Variants in SPIDR observed in about 807,000 individuals in gnomAD.
SPIDR encodes the protein scaffold protein involved in DNA repair.
SPIDR carries 93 observed loss-of-function variants against 104.6 expected under a neutral mutation model. That is an observed-to-expected ratio of 0.89 (90% CI 0.75 to 1.06). SPIDR has a LOEUF of 1.06. Among genes scored for constraint, SPIDR ranks in the 50% least tolerant of loss-of-function variants. The pLI is 0.00. For synonymous variants in SPIDR, 431 were observed against 416.9 expected, an observed-to-expected ratio of 1.03 and a Z score of -0.41; for missense variants, 1,154 against 1,111.2, an observed-to-expected ratio of 1.04 and a Z score of -0.55.
At chr8:47,275,404 A>G (rs1216692453) in intron 1 of SPIDR, among the ~76,000 whole-genome samples, 3 of 152,072 alleles carry the variant, frequency 2.0e-5, no homozygotes, top group Non-Finnish European at 4.4e-5. Context: ...AAATTTGTAC[A>G]TTATTTTTTT....
At chr8:47,559,006 G>A (rs1015184540) in intron 8 of SPIDR, among the ~76,000 whole-genome samples, 1 of 152,138 alleles carries the variant, frequency 6.6e-6, no homozygotes. Context: ...GTGAAATAAG[G>A]CAGTGATGGA....
chr8:47,301,041 G>A (rs2041993446), intron 5 of SPIDR, among the ~76,000 whole-genome samples: 1 of 152,278 alleles, frequency 6.6e-6, no homozygotes, highest in Non-Finnish European at 1.5e-5. Flanking sequence ...AATGTTGATA[G>A]TGGGGTGTTA....
chr8:47,329,017 G>T (rs984982453), intron 5 of SPIDR, among the ~76,000 whole-genome samples: 1 of 151,134 alleles, frequency 6.6e-6, no homozygotes. Context: ...AGCAATTCTC[G>T]TGCCTCAGTC....
At chr8:47,601,001 T>C (rs1273931095) in intron 10 of SPIDR, among the ~76,000 whole-genome samples, 1 of 152,226 alleles carries the variant, frequency 6.6e-6, no homozygotes, top group Non-Finnish European at 1.5e-5. Context: ...CTTGTTTTAC[T>C]TGTTTAGCAA....
chr8:47,361,398 G>T (rs1479347997), intron 5 of SPIDR, among the ~76,000 whole-genome samples: 1 of 152,220 alleles, frequency 6.6e-6, no homozygotes, highest in Non-Finnish European at 1.5e-5. Flanking sequence ...GGAAGGGCCT[G>T]GGTGGGGATG....
intron 5 of SPIDR, among the ~76,000 whole-genome samples, chr8:47,302,518 A>G (rs1437539807): frequency 1.3e-5 from 2 of 151,972 alleles, no homozygotes; most frequent in Non-Finnish European, 2.9e-5. Flanking sequence ...GAGGAGAGGC[A>G]CTCTGATTTT....
In SPIDR at chr8:47,735,816, A is replaced by AT. The variant is rs1232608502; in HGVS notation, c.*366_*367insT. ...TACCATGATTGAACATGTTTTTATT[A>AT]CAGTATTTAACATTCCCCCAAAGAA... On this transcript the variant is annotated 3_prime_UTR_variant, in exon 20 of 20. Coordinates refer to ENST00000297423, the MANE Select transcript of SPIDR (RefSeq NM_001080394.4). 2.4e-6 allele frequency: 1 copy of AT among 414,200 alleles called. No individual in the cohort carries two copies. Among genetic ancestry groups the AT allele is most frequent in the African/African-American group, 2.0e-5 (1 of 49,506 alleles). 25.7% of individuals were successfully genotyped at this position (414,200 alleles called of 1,614,324 possible).
At chr8:47,370,439 AT>A (rs34220804) in intron 5 of SPIDR, among the ~76,000 whole-genome samples, 6,309 of 99,136 alleles carry the variant, frequency 0.064, 89 homozygotes, top group South Asian at 0.17. Context: ...AGAGGTCAAG[AT>A]TTTTTTTTTT....
Position 47,509,866 on chromosome 8 carries a change from C to T in SPIDR, c.1097+69324C>T, listed in dbSNP as rs949099043. Among the ~76,000 whole-genome samples the T allele has an allele frequency of 8.5e-5, 13 of 152,158 alleles. No homozygotes were observed. The South Asian group carries it at 1.5e-3, about 17-fold the overall frequency. On this transcript the variant is annotated intron_variant, in intron 8 of 19. Transcript: ENST00000297423. Reference sequence around the variant, plus strand: ...GTATAATATGATGCACTCACACATACGTGACACACACACCACACATCACAT... The same window carrying T: ...GTATAATATGATGCACTCACACATATGTGACACACACACCACACATCACAT...
chr8:47,501,519 C>T (rs1427053802), intron 8 of SPIDR, among the ~76,000 whole-genome samples: 2 of 152,090 alleles, frequency 1.3e-5, no homozygotes, highest in Non-Finnish European at 2.9e-5. Context: ...GCTGAAGTTG[C>T]CTGTCAGCTT....
At chr8:47,460,061 GTCTA>G (rs1203326752) in intron 8 of SPIDR, among the ~76,000 whole-genome samples, 7 of 152,154 alleles carry the variant, frequency 4.6e-5, no homozygotes, top group Admixed American at 2.6e-4. Flanking sequence ...CTATCATATG[GTCTA>G]TCTTGGAGAA....
At chr8:47,551,749 G>C (rs1199238845) in intron 8 of SPIDR, among the ~76,000 whole-genome samples, 1 of 152,050 alleles carries the variant, frequency 6.6e-6, no homozygotes. Context: ...TTTTTGAAGG[G>C]TTTTTTGTGT....
At chr8:47,516,458 A>T (rs1022464174) in intron 8 of SPIDR, among the ~76,000 whole-genome samples, 1 of 152,002 alleles carries the variant, frequency 6.6e-6, no homozygotes, top group Admixed American at 6.6e-5. Flanking sequence ...GTCCCTAGCA[A>T]CCTCTATTCT....
intron 10 of SPIDR, among the ~76,000 whole-genome samples, chr8:47,613,943 T>A (rs911010872): frequency 8.5e-5 from 13 of 152,158 alleles, no homozygotes; most frequent in African/African-American, 3.1e-4. Flanking sequence ...CATGGTAGTT[T>A]GCTGCACCTA....
intron 11 of SPIDR, among the ~76,000 whole-genome samples, chr8:47,697,552 C>G (rs920679935): frequency 6.6e-6 from 1 of 152,186 alleles, no homozygotes; most frequent in Non-Finnish European, 1.5e-5. Context: ...GGGCTCCTGC[C>G]AGGCCTCCTG....
chr8:47,475,942 A>T (rs2076241240), intron 8 of SPIDR, among the ~76,000 whole-genome samples: 1 of 152,198 alleles, frequency 6.6e-6, no homozygotes, highest in African/African-American at 2.4e-5. Context: ...TAAAAGACAT[A>T]GCATTTAAGA....
At chr8:47,502,510 G>A (rs947105979) in intron 8 of SPIDR, among the ~76,000 whole-genome samples, 18 of 152,046 alleles carry the variant, frequency 1.2e-4, no homozygotes, top group East Asian at 3.9e-4. Context: ...TTTTTATTGC[G>A]TCTATTTGAT....
At chr8:47,615,495 C>G (rs1270379397) in intron 10 of SPIDR, among the ~76,000 whole-genome samples, 1 of 133,750 alleles carries the variant, frequency 7.5e-6, no homozygotes, top group Non-Finnish European at 1.5e-5. Flanking sequence ...TTTTTTCGGC[C>G]AGAGTCTCAC....
intron 5 of SPIDR, among the ~76,000 whole-genome samples, chr8:47,300,813 C>T (rs1001973054): frequency 6.6e-6 from 1 of 152,140 alleles, no homozygotes; most frequent in Non-Finnish European, 1.5e-5. Context: ...GTCTGAGAGA[C>T]AGTTTGTTAT....
Sources: allele counts gnomAD v4.1 joint callset (sites outside exome capture counted in the v4.1 genomes callset), GRCh38; gene constraint gnomAD v4.1.1; transcripts MANE v1.5; gene names NCBI Gene and HGNC (gene_info 2026-07-23, HGNC 2026-07-21).